BBS9: variants seen among roughly 807,000 people sequenced by gnomAD.
BBS9 encodes protein PTHB1.
Under a neutral mutation model 117.7 loss-of-function variants are expected in BBS9, and 89 were observed. That is an observed-to-expected ratio of 0.76 (90% CI 0.64 to 0.90). The LOEUF is 0.90. Among genes scored for constraint, BBS9 ranks in the 40% least tolerant of loss-of-function variants. BBS9 has a pLI of 0.00. For synonymous variants in BBS9, 379 were observed against 370.9 expected, an observed-to-expected ratio of 1.02 and a Z score of -0.25; for missense variants, 982 against 1,042.2, an observed-to-expected ratio of 0.94 and a Z score of 0.80.
At chr7:33,253,933 T>C (rs1796622911) in intron 5 of BBS9, among the ~76,000 whole-genome samples, 1 of 152,198 alleles carries the variant, frequency 6.6e-6, no homozygotes, top group Non-Finnish European at 1.5e-5. Context: ...TGATAATTCA[T>C]GATTCTACTA....
intron 21 of BBS9, among the ~76,000 whole-genome samples, chr7:33,546,008 A>G (rs1290244303): frequency 2.4e-5 from 3 of 125,108 alleles, no homozygotes; most frequent in Admixed American, 2.3e-4. Context: ...ATTTTGGCTC[A>G]CTGCAAGCTC....
At chr7:33,137,957 A>G (rs1303417287) in intron 1 of BBS9, among the ~76,000 whole-genome samples, 2 of 152,254 alleles carry the variant, frequency 1.3e-5, no homozygotes, top group South Asian at 2.1e-4. Flanking sequence ...TAATTAAGGT[A>G]GCCATGGTCT....
At chr7:33,176,364 C>A (rs1797324691) in intron 4 of BBS9, among the ~76,000 whole-genome samples, 1 of 152,134 alleles carries the variant, frequency 6.6e-6, no homozygotes, top group Non-Finnish European at 1.5e-5. Flanking sequence ...GACAACTGGG[C>A]AGCAGGATAC....
At chr7:33,469,077 A>G (rs977195967) in intron 19 of BBS9, among the ~76,000 whole-genome samples, 5 of 151,958 alleles carry the variant, frequency 3.3e-5, no homozygotes, top group Admixed American at 6.6e-5. Flanking sequence ...AACCACTTTT[A>G]CAGTAGAGTA....
intron 9 of BBS9, among the ~76,000 whole-genome samples, chr7:33,274,709 A>G (rs1179401622): frequency 6.6e-6 from 1 of 152,128 alleles, no homozygotes; most frequent in Non-Finnish European, 1.5e-5. Context: ...TAAAGGCCAT[A>G]CGGGGCGGGG....
At chr7:33,212,542 T>C (rs1788215122) in intron 5 of BBS9, among the ~76,000 whole-genome samples, 1 of 152,218 alleles carries the variant, frequency 6.6e-6, no homozygotes, top group Admixed American at 6.5e-5. Context: ...TTCTCTGGGA[T>C]TGGTCCTGGT....
intron 21 of BBS9, among the ~76,000 whole-genome samples, chr7:33,597,135 ATATT>A (rs1382609311): frequency 6.6e-6 from 1 of 151,744 alleles, no homozygotes; most frequent in Non-Finnish European, 1.5e-5. Flanking sequence ...CCAAATGAAT[ATATT>A]TATAGAGTCT....
At chr7:33,233,582 A>G (rs970666536) in intron 5 of BBS9, among the ~76,000 whole-genome samples, 6 of 152,106 alleles carry the variant, frequency 3.9e-5, no homozygotes, top group African/African-American at 7.2e-5. Context: ...TTTTTCTTAT[A>G]AAAGCTACTG....
At chr7:33,540,423 T>C (rs542142250) in intron 21 of BBS9, among the ~76,000 whole-genome samples, 3 of 152,332 alleles carry the variant, frequency 2.0e-5, no homozygotes, top group South Asian at 2.1e-4. Context: ...GCTTTTGTTA[T>C]AGACTTCTCA....
chr7:33,454,942 T>C (rs1838421624), intron 19 of BBS9, among the ~76,000 whole-genome samples: 2 of 152,188 alleles, frequency 1.3e-5, no homozygotes, highest in Non-Finnish European at 2.9e-5. Flanking sequence ...CAAACGTTTA[T>C]CTTTCTGGTG....
downstream of BBS9, among the ~76,000 whole-genome samples, chr7:33,607,536 T>C (rs1864644980): frequency 6.6e-6 from 1 of 152,136 alleles, no homozygotes; most frequent in African/African-American, 2.4e-5. Context: ...AAAAAGCTGA[T>C]AATCACCATA....
intron 19 of BBS9, among the ~76,000 whole-genome samples, chr7:33,457,356 C>G (rs1251508474): frequency 6.6e-6 from 1 of 152,126 alleles, no homozygotes; most frequent in African/African-American, 2.4e-5. Flanking sequence ...AAACTAGTCT[C>G]TTAATATTGA....
chr7:33,556,837 G>T (rs1305670217), intron 21 of BBS9, among the ~76,000 whole-genome samples: 1 of 152,130 alleles, frequency 6.6e-6, no homozygotes, highest in African/African-American at 2.4e-5. Flanking sequence ...AGGGCAGTTT[G>T]AATGACTTCA....
chr7:33,162,407 T>C lies in BBS9; in HGVS notation c.328+6705T>C, dbSNP rs182006146. Reference sequence around the variant, plus strand: ...GCCATTGGTAATGGCATTGAATCTATAAATTACCTTGGGCAGTATGGCCAT... The same window carrying C: ...GCCATTGGTAATGGCATTGAATCTACAAATTACCTTGGGCAGTATGGCCAT... On this transcript the variant is annotated intron_variant, in intron 4 of 22. Coordinates refer to ENST00000242067, the MANE Select transcript of BBS9 (RefSeq NM_198428.3). Among the ~76,000 whole-genome samples the C allele has an allele frequency of 3.9e-5, 6 of 152,296 alleles. No homozygotes were observed. In the East Asian group the frequency reaches 9.7e-4, roughly 25 times the overall value.
chr7:33,582,242 G>A (rs1412309370), intron 21 of BBS9, among the ~76,000 whole-genome samples: 1 of 152,064 alleles, frequency 6.6e-6, no homozygotes, highest in Non-Finnish European at 1.5e-5. Flanking sequence ...CAACTAGGAG[G>A]CAGAGGTGTT....
chr7:33,242,972 C>T (rs1014788241), intron 5 of BBS9: 2 of 518,714 alleles, frequency 3.9e-6, no homozygotes, highest in Admixed American at 3.9e-5. Flanking sequence ...TTTGAACTTT[C>T]TTGAGCCTTA....
At chr7:33,186,117 C>T (rs187628926) in intron 5 of BBS9, among the ~76,000 whole-genome samples, 67 of 152,328 alleles carry the variant, frequency 4.4e-4, no homozygotes, top group Admixed American at 9.1e-4. Context: ...AGCTGTGCTT[C>T]TCAAACTTTT....
rs1244522464 is a variant in BBS9, at chr7:33,155,673, C to G, written c.299C>G (p.Ser100Cys). ...TEMLHLAVLH[S>C]RKLCVYSVSG... ...ATGCTACATTTGGCTGTGTTACATT[C>G]TAGAAAACTTTGTGTCTACTCTGTC... The change falls in exon 4 of 23, where the codon TCT becomes TGT. Residue 100 changes from serine to cysteine, a missense_variant. By Grantham distance (112) the Ser-to-Cys change is moderately radical (BLOSUM62 -1). Coordinates refer to ENST00000242067, the MANE Select transcript of BBS9 (RefSeq NM_198428.3). 1 of 1,562,920 alleles carries G rather than the reference C, an allele frequency of 6.4e-7. No homozygotes were observed. Among genetic ancestry groups the G allele is most frequent in the Non-Finnish European group, 8.7e-7 (1 of 1,147,990 alleles).
chr7:33,349,711 G>A (rs1208278174), intron 13 of BBS9, among the ~76,000 whole-genome samples: 1 of 152,170 alleles, frequency 6.6e-6, no homozygotes, highest in Non-Finnish European at 1.5e-5. Context: ...GATTACAAGC[G>A]TGAGCCACCA....
Sources: allele counts gnomAD v4.1 joint callset (sites outside exome capture counted in the v4.1 genomes callset), GRCh38; gene constraint gnomAD v4.1.1; transcripts MANE v1.5; gene names NCBI Gene and HGNC (gene_info 2026-07-23, HGNC 2026-07-21).